MCTP1: variants seen among roughly 807,000 people sequenced by gnomAD.
MCTP1 encodes multiple C2 and transmembrane domain containing 1.
A neutral mutation model predicts 120.6 loss-of-function variants in MCTP1; 69 were observed. That is an observed-to-expected ratio of 0.57 (90% CI 0.47 to 0.70). The LOEUF (loss-of-function observed/expected upper bound fraction) is 0.70. MCTP1 is among the 30% of genes least tolerant of loss of function. MCTP1 has a pLI of 0.00. For missense variants in MCTP1, 1,203 were observed against 1,248.8 expected, an observed-to-expected ratio of 0.96 and a Z score of 0.55; for synonymous variants, 529 against 493.1, an observed-to-expected ratio of 1.07 and a Z score of -0.96.
chr5:94,876,134 C>T (rs1442448536), intron 12 of MCTP1, among the ~76,000 whole-genome samples: 1 of 152,138 alleles, frequency 6.6e-6, no homozygotes, highest in Non-Finnish European at 1.5e-5. Context: ...AGTTAATATG[C>T]TTATCTGGTT....
At chr5:94,735,682 A>G (rs1330162326) in intron 19 of MCTP1, among the ~76,000 whole-genome samples, 1 of 152,234 alleles carries the variant, frequency 6.6e-6, no homozygotes, top group Non-Finnish European at 1.5e-5. Flanking sequence ...AAACCAGTTG[A>G]GTATTTTCCA....
rs1774694729 is a variant in MCTP1, at chr5:94,773,946, C to T, written c.2610+5164G>A. ...GAAATAGGCCGGGCGCGGTGGCTCA[C>T]GCCTGTAATCCCAGCACTTTGGGAG... On this transcript the variant is annotated intron_variant, in intron 19 of 22. Transcript: ENST00000515393. Among the ~76,000 whole-genome samples, 2 of 39,266 alleles carry T rather than the reference C, an allele frequency of 5.1e-5. 1 individual carries two copies. The highest frequency in any genetic ancestry group is 4.9e-4 in the Admixed American group (2 of 4,056). 25.8% of individuals were successfully genotyped at this position (39,266 alleles called of 152,430 possible). A position where few individuals can be genotyped will look rare whatever the true frequency, so the allele number is the denominator to read the frequency against.
In MCTP1 at chr5:94,871,299, G is replaced by A; in HGVS notation, c.2139+16C>T. The A allele has an allele frequency of 6.9e-7, 1 of 1,459,394 alleles. No individual in the cohort carries two copies. Among genetic ancestry groups the A allele is most frequent in the Non-Finnish European group, 9.6e-7 (1 of 1,039,492 alleles). 90.4% of individuals were successfully genotyped at this position (1,459,394 alleles called of 1,614,324 possible). A position where few individuals can be genotyped will look rare whatever the true frequency, so the allele number is the denominator to read the frequency against. ...AAAAGCAACACAGAACAGTGTGTCA[G>A]GTGAATAAAACTTACAGACAGCAAT... On this transcript the variant is annotated intron_variant, in intron 14 of 22. Coordinates refer to ENST00000515393, the MANE Select transcript of MCTP1 (RefSeq NM_024717.7).
chr5:94,986,138 A>C (rs1464874882), intron 2 of MCTP1, among the ~76,000 whole-genome samples: 1 of 152,200 alleles, frequency 6.6e-6, no homozygotes, highest in Non-Finnish European at 1.5e-5. Context: ...ATTGTTTCCC[A>C]AGTTATTCCT....
chr5:95,284,628 T>C lies in MCTP1; in HGVS notation c.-53A>G, dbSNP rs1760612215. On this transcript the variant is annotated 5_prime_UTR_variant, in exon 1 of 23. Coordinates refer to ENST00000515393, the MANE Select transcript of MCTP1 (RefSeq NM_024717.7). The surrounding 1 kb of genome is among the most constrained non-coding windows in gnomAD (Gnocchi z 5.2). ...TCCTCCTCCTCCTCCTCCTCCTGCT[T>C]CTCCTCCCTCTTCGGCTGCACCTCC... The C allele has an allele frequency of 7.6e-7, 1 of 1,318,410 alleles. No homozygotes were observed. Among genetic ancestry groups the C allele is most frequent in the Non-Finnish European group, 9.8e-7 (1 of 1,018,642 alleles). 81.7% of individuals were successfully genotyped at this position (1,318,410 alleles called of 1,614,324 possible).
chr5:94,736,504 G>C (rs983091239), intron 19 of MCTP1, among the ~76,000 whole-genome samples: 1 of 151,984 alleles, frequency 6.6e-6, no homozygotes, highest in Non-Finnish European at 1.5e-5. Context: ...TTTTTGGGGG[G>C]GATCCTTTTG....
At position 94,918,777 on chromosome 5, in the gene MCTP1, C is replaced by T. The variant is rs140657229; in HGVS notation, c.1273-804G>A. Reference sequence around the variant, plus strand: ...GCAGTCAGAAAGGTGGGTTAAATCACACGGAAAGAAAGGAACATTTATTGT... The same window carrying T: ...GCAGTCAGAAAGGTGGGTTAAATCATACGGAAAGAAAGGAACATTTATTGT... On this transcript the variant is annotated intron_variant, in intron 7 of 22. Coordinates refer to ENST00000515393, the MANE Select transcript of MCTP1 (RefSeq NM_024717.7). Among the ~76,000 whole-genome samples, 567 of 152,272 alleles carry T rather than the reference C, an allele frequency of 3.7e-3. 5 individuals carry two copies. The highest frequency in any genetic ancestry group is 0.013 in the African/African-American group (558 of 41,566).
At chr5:95,132,376 G>A (rs1268476583) in intron 1 of MCTP1, among the ~76,000 whole-genome samples, 3 of 152,204 alleles carry the variant, frequency 2.0e-5, no homozygotes, top group South Asian at 4.1e-4. Flanking sequence ...AATCAGCAAA[G>A]TGACACTTCT....
chr5:94,899,182 G>C (rs1294319993), intron 10 of MCTP1, among the ~76,000 whole-genome samples: 1 of 152,210 alleles, frequency 6.6e-6, no homozygotes, highest in East Asian at 1.9e-4. Flanking sequence ...TTGGTTCACA[G>C]AGCAGCTCTC....
chr5:94,794,425 T>G (rs1267603467), intron 18 of MCTP1, among the ~76,000 whole-genome samples: 1 of 152,190 alleles, frequency 6.6e-6, no homozygotes, highest in Admixed American at 6.5e-5. Flanking sequence ...CCAGCACCAA[T>G]TCATGCAAGG....
At chr5:95,142,029 T>A (rs770364838) in intron 1 of MCTP1, among the ~76,000 whole-genome samples, 9 of 152,106 alleles carry the variant, frequency 5.9e-5, no homozygotes, top group Non-Finnish European at 1.2e-4. Flanking sequence ...TGAAAGGAGA[T>A]AAAACTTCAT....
chr5:94,857,529 T>C (rs1794942301), intron 17 of MCTP1, among the ~76,000 whole-genome samples: 1 of 151,692 alleles, frequency 6.6e-6, no homozygotes, highest in African/African-American at 2.4e-5. Context: ...TTATCTCCTA[T>C]TCTTAAATCC....
chr5:94,987,909 T>C (rs1224462449), intron 2 of MCTP1, among the ~76,000 whole-genome samples: 1 of 152,202 alleles, frequency 6.6e-6, no homozygotes, highest in Non-Finnish European at 1.5e-5. Context: ...GCTTATTCTG[T>C]TTGCCTTGGA....
chr5:94,928,640 T>C (rs1000774849), intron 6 of MCTP1, among the ~76,000 whole-genome samples: 5 of 152,188 alleles, frequency 3.3e-5, no homozygotes, highest in Non-Finnish European at 7.4e-5. Flanking sequence ...AGTGTGCTTG[T>C]GGAAAACCAG....
chr5:94,839,206 C>T (rs2153192331), intron 17 of MCTP1, among the ~76,000 whole-genome samples: 1 of 152,270 alleles, frequency 6.6e-6, no homozygotes, highest in African/African-American at 2.4e-5. Flanking sequence ...CCTTCAGAAA[C>T]ATGTTTCAGT....
chr5:94,766,652 C>A (rs1409024549), intron 19 of MCTP1, among the ~76,000 whole-genome samples: 1 of 150,914 alleles, frequency 6.6e-6, no homozygotes, highest in Admixed American at 6.6e-5. Flanking sequence ...GCACATGTAC[C>A]CTAGAACTTA....
chr5:94,779,268 G>C, intron 18 of MCTP1, 105 bp from the exon 19 acceptor site: 1 of 897,974 alleles, frequency 1.1e-6, no homozygotes, highest in Admixed American at 1.7e-5. Context: ...ATTTGAAACA[G>C]GCACACTGAG....
chr5:95,265,562 T>A (rs1383727281), intron 1 of MCTP1, among the ~76,000 whole-genome samples: 9 of 152,148 alleles, frequency 5.9e-5, no homozygotes, highest in Admixed American at 5.9e-4. Context: ...ATGAAATCAA[T>A]GAGAAGAAGT....
chr5:95,171,182 CTGG>C, intron 1 of MCTP1, among the ~76,000 whole-genome samples: 1 of 152,220 alleles, frequency 6.6e-6, no homozygotes, highest in South Asian at 2.1e-4. Flanking sequence ...CTTAGTGTGG[CTGG>C]ATATGAGATT....
Sources: allele counts gnomAD v4.1 joint callset (sites outside exome capture counted in the v4.1 genomes callset), GRCh38; gene constraint gnomAD v4.1.1; non-coding constraint Gnocchi (gnomAD v3.1); transcripts MANE v1.5; gene names NCBI Gene and HGNC (gene_info 2026-07-23, HGNC 2026-07-21).